The following KNTC1 variants were observed in gnomAD, a reference collection of about 807,000 sequenced individuals.
The protein encoded by KNTC1 is kinetochore associated 1.
In KNTC1, 253 loss-of-function variants were observed where a neutral mutation model predicts 314.4. That is an observed-to-expected ratio of 0.80 (90% CI 0.73 to 0.89). The LOEUF (loss-of-function observed/expected upper bound fraction) is 0.89. Among genes scored for constraint, KNTC1 ranks in the 40% least tolerant of loss-of-function variants. KNTC1 has a pLI of 0.00. For synonymous variants in KNTC1, 901 were observed against 901.4 expected (o/e 1.00, Z 0.01); for missense variants, 2,475 against 2,572.9 (o/e 0.96, Z 0.82).
Position 122,609,378 on chromosome 12 carries a change from T to C in KNTC1, c.5497-6T>C. The stretch of plus-strand genomic sequence containing the variant: ...TTTTTGACCTTTTTTTCCTACCTTT[T>C]CAAAGAAACCATCAGAATTATTTGA... On this transcript the variant is annotated splice_region_variant and splice_polypyrimidine_tract_variant and intron_variant, in intron 51 of 63. Coordinates refer to ENST00000333479, the MANE Select transcript of KNTC1 (RefSeq NM_014708.6). 1 of 1,568,894 alleles carries C rather than the reference T, an allele frequency of 6.4e-7. No homozygotes were observed. Among genetic ancestry groups the C allele is most frequent in the Non-Finnish European group, 8.7e-7 (1 of 1,153,702 alleles).
chr12:122,578,617 AC>A (rs1225057477), intron 31 of KNTC1, among the ~76,000 whole-genome samples: 1 of 151,504 alleles, frequency 6.6e-6, no homozygotes, highest in Non-Finnish European at 1.5e-5. Context: ...GACGGGTTTC[AC>A]CATGTTGGCC....
intron 3 of KNTC1, among the ~76,000 whole-genome samples, chr12:122,538,079 A>C (rs1209968361): frequency 6.6e-6 from 1 of 152,192 alleles, no homozygotes; most frequent in Non-Finnish European, 1.5e-5. Flanking sequence ...TCTAGGGTGC[A>C]GTGAACTGGG....
chr12:122,554,917 C>CGCCT (rs944575470), intron 16 of KNTC1, among the ~76,000 whole-genome samples: 3 of 152,166 alleles, frequency 2.0e-5, no homozygotes, highest in Non-Finnish European at 4.4e-5. Context: ...TGGTGGTGTG[C>CGCCT]GCCTGTAGTC....
At chr12:122,555,188 A>T (rs79169732) in intron 16 of KNTC1, among the ~76,000 whole-genome samples, 1,608 of 152,338 alleles carry the variant, frequency 0.011, 28 homozygotes, top group African/African-American at 0.037. Context: ...GACATGTAAA[A>T]GTTTACTTCT....
In KNTC1 at chr12:122,540,235, C is replaced by T. The variant is rs181501230; in HGVS notation, c.445+481C>T. Reference sequence around the variant, plus strand: ...TCCCCCAGGCTGGAGTGCAATGGCACGACCTCGGCTCACTGAAACCTCTGC... The same window carrying T: ...TCCCCCAGGCTGGAGTGCAATGGCATGACCTCGGCTCACTGAAACCTCTGC... On this transcript the variant is annotated intron_variant, in intron 5 of 63. Coordinates refer to ENST00000333479, the MANE Select transcript of KNTC1 (RefSeq NM_014708.6). 3.6e-3 allele frequency among the ~76,000 whole-genome samples: 540 copies of T among 149,956 alleles called. 2 individuals carry two copies. The highest frequency in any genetic ancestry group is 0.013 in the African/African-American group (524 of 40,454).
intron 16 of KNTC1, among the ~76,000 whole-genome samples, chr12:122,554,815 T>C (rs1963467358): frequency 6.6e-6 from 1 of 152,188 alleles, no homozygotes; most frequent in Non-Finnish European, 1.5e-5. Context: ...AACCTGAAAT[T>C]TGAGTATTTG....
At chr12:122,532,893 G>C (rs1270876126) in intron 2 of KNTC1, among the ~76,000 whole-genome samples, 3 of 152,120 alleles carry the variant, frequency 2.0e-5, no homozygotes, top group Non-Finnish European at 4.4e-5. Flanking sequence ...ATTGTCGGTT[G>C]GGCAGTTTAA....
At chr12:122,610,336 T>G (rs924594593) in intron 52 of KNTC1, among the ~76,000 whole-genome samples, 2 of 152,162 alleles carry the variant, frequency 1.3e-5, no homozygotes, top group Non-Finnish European at 2.9e-5. Flanking sequence ...AATGCAAAAT[T>G]CATAACGTGC....
rs1461416412 is a variant in KNTC1, at chr12:122,613,607, A to C, written c.5742-19A>C. ...TGTGGCCTATGAGAATGATTCTTAG[A>C]AACGTTTCTGTTTTCCAGATCTTAT... On this transcript the variant is annotated intron_variant, in intron 54 of 63. Coordinates refer to ENST00000333479, the MANE Select transcript of KNTC1 (RefSeq NM_014708.6). The C allele has an allele frequency of 6.3e-7, 1 of 1,580,920 alleles. No homozygotes were observed. The highest frequency in any genetic ancestry group is 1.4e-5 in the African/African-American group (1 of 73,500).
chr12:122,589,776 A>T (rs1289611334), intron 40 of KNTC1, among the ~76,000 whole-genome samples: 4 of 94,592 alleles, frequency 4.2e-5, no homozygotes, highest in African/African-American at 4.3e-5. Flanking sequence ...GGGCCCCCCA[A>T]TTTTTTTTTT....
intron 33 of KNTC1, among the ~76,000 whole-genome samples, chr12:122,582,492 G>A (rs571424822): frequency 2.0e-5 from 3 of 152,020 alleles, no homozygotes; most frequent in Non-Finnish European, 4.4e-5. Flanking sequence ...GGCAAAGGTC[G>A]AAAAACTACG....
chr12:122,576,448 A>C (rs1478075275), intron 29 of KNTC1, among the ~76,000 whole-genome samples: 2 of 152,160 alleles, frequency 1.3e-5, no homozygotes, highest in African/African-American at 4.8e-5. Context: ...TGGGAGGCCA[A>C]GGTGGGTGGA....
In KNTC1 at chr12:122,579,783, G is replaced by T. The variant is rs758995747; in HGVS notation, c.2842-122G>T. ...ACGCTCATTAACCATCCATTTCTCA[G>T]CTGCCCAACTCCTCCACGATTGTTT... On this transcript the variant is annotated intron_variant, in intron 31 of 63. Transcript: ENST00000333479. 8.8e-5 allele frequency: 58 copies of T among 661,510 alleles called. 1 individual carries two copies. Among genetic ancestry groups the T allele is most frequent in the South Asian group, 3.6e-4 (19 of 52,560 alleles). The allele number at this position is 661,510 out of a possible 1,614,324, so 41.0% of individuals were successfully genotyped here. A position where few individuals can be genotyped will look rare whatever the true frequency, so the allele number is the denominator to read the frequency against.
chr12:122,542,636 G>A (rs984471496), intron 6 of KNTC1, among the ~76,000 whole-genome samples: 1 of 152,034 alleles, frequency 6.6e-6, no homozygotes, highest in African/African-American at 2.4e-5. Context: ...AGGGTGGCAG[G>A]CGCCTGTAAT....
At chr12:122,604,812 G>A (rs1158611823) in intron 49 of KNTC1, 65 bp from the exon 50 acceptor site, 10 of 1,461,640 alleles carry the variant, frequency 6.8e-6, no homozygotes, top group Non-Finnish European at 9.4e-6. Context: ...TGATAAAGAT[G>A]GATGCTTGGC....
chr12:122,613,963 G>T (rs1873471458), intron 55 of KNTC1, among the ~76,000 whole-genome samples: 1 of 152,080 alleles, frequency 6.6e-6, no homozygotes, highest in African/African-American at 2.4e-5. Flanking sequence ...CCAAGTAGCT[G>T]GGATTATAGG....
At chr12:122,611,441 G>T (rs1405493224) in intron 53 of KNTC1, 5 of 152,466 alleles carry the variant, frequency 3.3e-5, no homozygotes, top group African/African-American at 4.8e-5. Context: ...GGAAGAAAAG[G>T]AAGTCTGAGG....
At chr12:122,552,700 G>C (rs1593522888) in intron 16 of KNTC1, among the ~76,000 whole-genome samples, 1 of 152,286 alleles carries the variant, frequency 6.6e-6, no homozygotes, top group African/African-American at 2.4e-5. Context: ...ATAGGAACCT[G>C]CTGACAGTTT....
In KNTC1 at chr12:122,538,433, AAAAC is replaced by A; in HGVS notation, c.351_354del (p.Gln117HisfsTer53). The A allele has an allele frequency of 1.3e-6, 2 of 1,582,364 alleles. No homozygotes were observed. The highest frequency in any genetic ancestry group is 1.7e-6 in the Non-Finnish European group (2 of 1,158,594). The stretch of plus-strand genomic sequence containing the variant: ...ACCTACATCTTATTCATGTAACATC[AAAAC>A]AAACACTACTCACTAATGTAAGATC... On this transcript the variant is annotated frameshift_variant, in exon 4 of 64. Coordinates refer to ENST00000333479, the MANE Select transcript of KNTC1 (RefSeq NM_014708.6). LOFTEE classifies it high-confidence loss of function.
Sources: allele counts gnomAD v4.1 joint callset (sites outside exome capture counted in the v4.1 genomes callset), GRCh38; gene constraint gnomAD v4.1.1; transcripts MANE v1.5; gene names NCBI Gene and HGNC (gene_info 2026-07-23, HGNC 2026-07-21).